Variants in ZBTB20 observed in about 807,000 individuals in gnomAD.
ZBTB20 encodes the protein zinc finger and BTB domain-containing protein 20.
A neutral mutation model predicts 56.9 loss-of-function variants in ZBTB20; 9 were observed. The observed-to-expected ratio is 0.16, with a 90% confidence interval of 0.10 to 0.28. The LOEUF is 0.28. Ranked by LOEUF, ZBTB20 falls within the 10% of genes least tolerant of loss-of-function variation. The pLI, the probability that ZBTB20 is intolerant of heterozygous loss-of-function variation, is 1.00. For missense variants in ZBTB20, 655 were observed against 1,003.0 expected (o/e 0.65, Z 4.69); for synonymous variants, 417 against 420.7 (o/e 0.99, Z 0.11).
At chr3:114,668,691 G>A (rs914515451) in intron 6 of ZBTB20, among the ~76,000 whole-genome samples, 1 of 151,962 alleles carries the variant, frequency 6.6e-6, no homozygotes, top group Non-Finnish European at 1.5e-5. Context: ...GAATTTAATT[G>A]TTAAGTCAAT....
intron 7 of ZBTB20, among the ~76,000 whole-genome samples, chr3:114,445,173 T>C (rs1412327694): frequency 6.6e-6 from 1 of 152,204 alleles, no homozygotes. Flanking sequence ...AACAGCTCTT[T>C]ACATCTACTA....
Position 114,389,149 on chromosome 3 carries a change from G to T in ZBTB20, c.-254-44C>A, listed in dbSNP as rs1020290545. On this transcript the variant is annotated intron_variant, in intron 7 of 11. Coordinates refer to ENST00000675478, the MANE Select transcript of ZBTB20 (RefSeq NM_001348800.3). ...AAAAATAAGGTTGTTAAATGAACAG[G>T]TGATGGTGATGGCAATTATTTATTT... is the stretch of plus-strand genomic sequence containing the variant. 4 of 152,236 alleles carry T rather than the reference G, an allele frequency of 2.6e-5. No individual in the cohort carries two copies. The East Asian group carries it at 5.8e-4, about 22-fold the overall frequency. The allele number at this position is 152,236 out of a possible 1,614,324, so 9.4% of individuals were successfully genotyped here. A position where few individuals can be genotyped will look rare whatever the true frequency, so the allele number is the denominator to read the frequency against.
At chr3:114,950,030 A>T (rs904745434) in intron 3 of ZBTB20, among the ~76,000 whole-genome samples, 3 of 152,178 alleles carry the variant, frequency 2.0e-5, no homozygotes, top group Non-Finnish European at 2.9e-5. Flanking sequence ...AGAAATGCAA[A>T]CCAAAGCCAT....
At chr3:115,036,366 C>T (rs971592001) in intron 2 of ZBTB20, among the ~76,000 whole-genome samples, 1 of 151,554 alleles carries the variant, frequency 6.6e-6, no homozygotes, top group Non-Finnish European at 1.5e-5. Context: ...GTGTCGCGAT[C>T]TCGGCTCACT....
At chr3:114,816,551 A>G (rs897815626) in intron 4 of ZBTB20, among the ~76,000 whole-genome samples, 2 of 152,216 alleles carry the variant, frequency 1.3e-5, no homozygotes, top group African/African-American at 4.8e-5. Context: ...ATAAAATTTT[A>G]AGACTAAACC....
chr3:115,049,755 C>A (rs1007152278), intron 2 of ZBTB20, among the ~76,000 whole-genome samples: 1 of 152,040 alleles, frequency 6.6e-6, no homozygotes, highest in African/African-American at 2.4e-5. Context: ...GGCCACACTT[C>A]CAATTACTTT....
intron 1 of ZBTB20, among the ~76,000 whole-genome samples, chr3:115,092,403 A>G (rs973928101): frequency 6.6e-6 from 1 of 152,162 alleles, no homozygotes; most frequent in African/African-American, 2.4e-5. Flanking sequence ...TATTGTGACA[A>G]CTAACACCAC....
chr3:114,473,655 A>C (rs1427911897), intron 7 of ZBTB20, among the ~76,000 whole-genome samples: 1 of 151,836 alleles, frequency 6.6e-6, no homozygotes, highest in Non-Finnish European at 1.5e-5. Context: ...ACATGGTGAG[A>C]CCCCTGTCTC....
chr3:114,884,535 A>T (rs627402), intron 4 of ZBTB20, among the ~76,000 whole-genome samples: 131,842 of 152,132 alleles, frequency 0.87, 58,162 homozygotes, highest in East Asian at 0.99. Flanking sequence ...CATTAAACTA[A>T]GGAAAATTCA....
chr3:114,438,745 A>G (rs951252156), intron 7 of ZBTB20, among the ~76,000 whole-genome samples: 6 of 152,190 alleles, frequency 3.9e-5, no homozygotes, highest in Admixed American at 6.5e-5. Flanking sequence ...AAATAAAAAA[A>G]GTAGGGCTCC....
At chr3:114,370,614 C>G (rs572217827) in intron 10 of ZBTB20, among the ~76,000 whole-genome samples, 1 of 151,872 alleles carries the variant, frequency 6.6e-6, no homozygotes, top group African/African-American at 2.4e-5. Flanking sequence ...TAAATATTTC[C>G]CAAGGTTTTG....
At chr3:115,046,711 A>G (rs1171797523) in intron 2 of ZBTB20, among the ~76,000 whole-genome samples, 2 of 152,196 alleles carry the variant, frequency 1.3e-5, no homozygotes, top group African/African-American at 4.8e-5. Context: ...ACTTTAAAAA[A>G]CAACATTTCC....
intron 7 of ZBTB20, among the ~76,000 whole-genome samples, chr3:114,429,018 A>G (rs909938935): frequency 2.0e-5 from 3 of 152,124 alleles, no homozygotes; most frequent in Non-Finnish European, 2.9e-5. Context: ...ATACAGGGGG[A>G]GAGATCTATA....
chr3:114,876,045 G>A (rs940565798), intron 4 of ZBTB20, among the ~76,000 whole-genome samples: 3 of 151,922 alleles, frequency 2.0e-5, no homozygotes, highest in Non-Finnish European at 2.9e-5. Context: ...ACCAGCCTGG[G>A]CAAAACAGCA....
At chr3:115,073,559 T>C (rs1018641151) in intron 1 of ZBTB20, among the ~76,000 whole-genome samples, 6 of 152,210 alleles carry the variant, frequency 3.9e-5, no homozygotes, top group African/African-American at 1.4e-4. Flanking sequence ...ACTCTCACCC[T>C]AGGTCATGCT....
intron 2 of ZBTB20, among the ~76,000 whole-genome samples, chr3:114,984,737 A>T (rs1370165213): frequency 6.6e-6 from 1 of 152,066 alleles, no homozygotes; most frequent in Non-Finnish European, 1.5e-5. Flanking sequence ...TGTTTAGAAA[A>T]GACTAATCAA....
chr3:114,745,236 C>T (rs1309798746), intron 5 of ZBTB20, among the ~76,000 whole-genome samples: 2 of 152,176 alleles, frequency 1.3e-5, no homozygotes, highest in African/African-American at 4.8e-5. Context: ...ATCAACTACA[C>T]ACCAGACCCG....
At chr3:114,342,933 G>A (rs1019701086) in intron 11 of ZBTB20, among the ~76,000 whole-genome samples, 1 of 152,102 alleles carries the variant, frequency 6.6e-6, no homozygotes, top group South Asian at 2.1e-4. Flanking sequence ...CACAGACAGA[G>A]GATTTCCTAG....
chr3:115,041,725 T>G (rs1293240817), intron 2 of ZBTB20, among the ~76,000 whole-genome samples: 1 of 152,150 alleles, frequency 6.6e-6, no homozygotes, highest in African/African-American at 2.4e-5. Context: ...ACAAAAATAG[T>G]TTGTAACTTA....
Sources: allele counts gnomAD v4.1 joint callset (sites outside exome capture counted in the v4.1 genomes callset), GRCh38; gene constraint gnomAD v4.1.1; transcripts MANE v1.5; gene names NCBI Gene and HGNC (gene_info 2026-07-23, HGNC 2026-07-21).